FRMD6: variants seen among roughly 807,000 people sequenced by gnomAD.
The protein encoded by FRMD6 is FERM domain containing 6, also known as FERM domain-containing protein 6.
Under a neutral mutation model 73.2 loss-of-function variants are expected in FRMD6, and 37 were observed. The observed-to-expected ratio is 0.51, with a 90% CI of 0.39 to 0.66. The LOEUF is 0.66. Among genes scored for constraint, FRMD6 ranks in the 30% least tolerant of loss-of-function variants. The probability of loss-of-function intolerance (pLI) is 0.00; values close to 1 mark genes in which losing one functional copy is unlikely to be tolerated. For missense variants in FRMD6, 714 were observed against 780.5 expected (o/e 0.91, Z 1.02); for synonymous variants, 273 against 282.2 (o/e 0.97, Z 0.33).
At chr14:51,595,337 C>T (rs1034519341) in intron 2 of FRMD6, among the ~76,000 whole-genome samples, 1 of 152,146 alleles carries the variant, frequency 6.6e-6, no homozygotes, top group Non-Finnish European at 1.5e-5. Flanking sequence ...TATTAGATCC[C>T]ATTTTCTCAG....
intron 1 of FRMD6, among the ~76,000 whole-genome samples, chr14:51,539,287 A>C (rs574830695): frequency 5.1e-4 from 78 of 151,522 alleles, no homozygotes; most frequent in Middle Eastern, 3.4e-3. Context: ...ACCTCAGTCC[A>C]TGTCTGTCCC....
chr14:51,610,129 C>T (rs1890427237), intron 2 of FRMD6, among the ~76,000 whole-genome samples: 1 of 147,930 alleles, frequency 6.8e-6, no homozygotes, highest in Non-Finnish European at 1.5e-5. Flanking sequence ...TTTCAACTGG[C>T]AGTCCTAGCT....
chr14:51,724,766 A>T (rs769228329), intron 12 of FRMD6, among the ~76,000 whole-genome samples: 1 of 150,610 alleles, frequency 6.6e-6, no homozygotes, highest in Non-Finnish European at 1.5e-5. Context: ...GGCCTTATGG[A>T]TCTAGGGCTT....
At chr14:51,517,146 A>C (rs1163674755) in intron 1 of FRMD6, among the ~76,000 whole-genome samples, 1 of 152,224 alleles carries the variant, frequency 6.6e-6, no homozygotes, top group Non-Finnish European at 1.5e-5. Context: ...ACTGGGAAAT[A>C]ATAGAAATGA....
intron 1 of FRMD6, among the ~76,000 whole-genome samples, chr14:51,538,786 C>A (rs1950915): frequency 6.6e-6 from 1 of 152,050 alleles, no homozygotes; most frequent in Admixed American, 6.5e-5. Context: ...ACCACAATGT[C>A]TTGATTACTA....
chr14:51,576,644 A>C (rs1430089730), intron 2 of FRMD6, among the ~76,000 whole-genome samples: 4 of 151,936 alleles, frequency 2.6e-5, no homozygotes, highest in Non-Finnish European at 5.9e-5. Flanking sequence ...CTTCTCTTTG[A>C]CCCTCAGCAT....
At chr14:51,531,338 A>C (rs757692998) in intron 1 of FRMD6, among the ~76,000 whole-genome samples, 2 of 152,242 alleles carry the variant, frequency 1.3e-5, no homozygotes, top group Non-Finnish European at 2.9e-5. Flanking sequence ...ACTTTAACAT[A>C]ATCACGAGAA....
chr14:51,646,909 T>C (rs757366341), intron 2 of FRMD6, among the ~76,000 whole-genome samples: 3 of 151,930 alleles, frequency 2.0e-5, no homozygotes, highest in Non-Finnish European at 2.9e-5. Context: ...CGATGGGCCC[T>C]CTCTCTACAT....
intron 1 of FRMD6, among the ~76,000 whole-genome samples, chr14:51,679,722 A>G (rs1185025306): frequency 6.6e-6 from 1 of 152,094 alleles, no homozygotes; most frequent in Non-Finnish European, 1.5e-5. Flanking sequence ...ATATTTGAAG[A>G]TCCCCATCAC....
chr14:51,607,477 G>C (rs576794368), intron 2 of FRMD6, among the ~76,000 whole-genome samples: 1 of 152,120 alleles, frequency 6.6e-6, no homozygotes, highest in Non-Finnish European at 1.5e-5. Flanking sequence ...AAATGACTAG[G>C]TTCAAGTTTC....
intron 1 of FRMD6, among the ~76,000 whole-genome samples, chr14:51,668,875 G>C (rs1233298232): frequency 9.9e-5 from 15 of 151,106 alleles, no homozygotes; most frequent in Non-Finnish European, 1.5e-5. Flanking sequence ...CACCGTGTTG[G>C]CCAGGCTGGT....
chr14:51,436,404 G>T, the FRMD6 span: 1 of 470,220 alleles, frequency 2.1e-6, no homozygotes, highest in South Asian at 2.1e-5. Flanking sequence ...GACCAGAGTC[G>T]AAGTGATGGA....
chr14:51,506,065 C>T (rs544557152), intron 1 of FRMD6, among the ~76,000 whole-genome samples: 1 of 152,300 alleles, frequency 6.6e-6, no homozygotes, highest in East Asian at 1.9e-4. Flanking sequence ...CTACACAGAG[C>T]CTGTCTCCAT....
At chr14:51,654,470 G>T (rs1892680477) in intron 1 of FRMD6, among the ~76,000 whole-genome samples, 1 of 152,206 alleles carries the variant, frequency 6.6e-6, no homozygotes, top group South Asian at 2.1e-4. Flanking sequence ...GAGCTGTCAG[G>T]TTCAGAGTTG....
intron 11 of FRMD6, among the ~76,000 whole-genome samples, chr14:51,721,628 A>G (rs999611716): frequency 8.5e-5 from 8 of 93,706 alleles, no homozygotes; most frequent in African/African-American, 2.8e-4. Context: ...TGAGAAAGAA[A>G]GAGAGGGAGG....
In FRMD6 at chr14:51,603,908, G is replaced by A. The variant is rs543347284; in HGVS notation, c.-147+33498G>A. Among the ~76,000 whole-genome samples the A allele has an allele frequency of 1.1e-4, 16 of 150,778 alleles. 1 individual carries two copies. Among genetic ancestry groups the A allele is most frequent in the Admixed American group, 2.6e-4 (4 of 15,098 alleles). ...ATTTTATGTAGAATATTTGCCATAC[G>A]ATGTCCTGCCTTCCACGGTAATTTC... On this transcript the variant is annotated intron_variant, in intron 2 of 14. Transcript: ENST00000356218.
At chr14:51,703,398 T>C (rs937665271) in intron 5 of FRMD6, among the ~76,000 whole-genome samples, 3 of 152,086 alleles carry the variant, frequency 2.0e-5, no homozygotes, top group Non-Finnish European at 4.4e-5. Flanking sequence ...TAGTGAGTTA[T>C]ATGTAAAATT....
intron 1 of FRMD6, among the ~76,000 whole-genome samples, chr14:51,511,607 AGATT>A (rs1884315148): frequency 6.6e-6 from 1 of 152,212 alleles, no homozygotes; most frequent in Non-Finnish European, 1.5e-5. Context: ...GGAAGGGAAA[AGATT>A]GATTAAGAAC....
intron 1 of FRMD6, among the ~76,000 whole-genome samples, chr14:51,505,789 A>G (rs756284762): frequency 2.6e-5 from 4 of 152,066 alleles, no homozygotes; most frequent in African/African-American, 4.8e-5. Context: ...CACCCTTTCC[A>G]GAGGTTTTAT....
Sources: allele counts gnomAD v4.1 joint callset (sites outside exome capture counted in the v4.1 genomes callset), GRCh38; gene constraint gnomAD v4.1.1; transcripts MANE v1.5; gene names NCBI Gene and HGNC (gene_info 2026-07-23, HGNC 2026-07-21).